Variants in DPYD observed in about 807,000 individuals in gnomAD.
The protein encoded by DPYD is dihydropyrimidine dehydrogenase.
In DPYD, 109 loss-of-function variants were observed where a neutral mutation model predicts 116.2. The ratio of observed to expected loss-of-function variants is 0.94; its 90% CI spans 0.80 to 1.10. DPYD has a LOEUF of 1.10. Among genes scored for constraint, DPYD ranks in the 50% least tolerant of loss-of-function variants. DPYD has a pLI of 0.00. For missense variants in DPYD, 1,302 were observed against 1,254.5 expected (o/e 1.04, Z -0.57); for synonymous variants, 440 against 432.0 (o/e 1.02, Z -0.23).
At chr1:97,394,964 A>C (rs1395484032) in intron 14 of DPYD, among the ~76,000 whole-genome samples, 1 of 151,988 alleles carries the variant, frequency 6.6e-6, no homozygotes, top group African/African-American at 2.4e-5. Flanking sequence ...TAAGGGACAA[A>C]ACAATGGTTT....
At chr1:97,767,361 C>T (rs1665920019) in intron 3 of DPYD, among the ~76,000 whole-genome samples, 1 of 152,116 alleles carries the variant, frequency 6.6e-6, no homozygotes, top group Non-Finnish European at 1.5e-5. Flanking sequence ...CTTTGCAGCT[C>T]TTCTTATCAA....
At chr1:97,645,695 A>G (rs1017827860) in intron 8 of DPYD, among the ~76,000 whole-genome samples, 3 of 152,006 alleles carry the variant, frequency 2.0e-5, no homozygotes, top group African/African-American at 7.2e-5. Flanking sequence ...GTTCTTATAA[A>G]TATGGTCTTT....
intron 19 of DPYD, among the ~76,000 whole-genome samples, chr1:97,195,173 T>G (rs1207027360): frequency 6.6e-6 from 1 of 152,118 alleles, no homozygotes; most frequent in Non-Finnish European, 1.5e-5. Flanking sequence ...ATATTTCAAC[T>G]TCAAACAATG....
chr1:97,746,457 A>T (rs1462903413), intron 3 of DPYD, among the ~76,000 whole-genome samples: 2 of 152,116 alleles, frequency 1.3e-5, no homozygotes, highest in African/African-American at 2.4e-5. Flanking sequence ...CTTAGTACAT[A>T]TCACCTTTTA....
intron 14 of DPYD, among the ~76,000 whole-genome samples, chr1:97,423,206 A>G (rs1004370816): frequency 2.6e-5 from 4 of 152,160 alleles, no homozygotes; most frequent in African/African-American, 7.2e-5. Flanking sequence ...AAAATGCTCC[A>G]GCTCTCCTAT....
chr1:97,360,860 C>T (rs140918097), intron 16 of DPYD, among the ~76,000 whole-genome samples: 5,531 of 152,074 alleles, frequency 0.036, 148 homozygotes, highest in East Asian at 0.069. Flanking sequence ...CAGGAAAGAT[C>T]CAAAACTGAC....
chr1:97,757,976 C>A (rs538372793), intron 3 of DPYD, among the ~76,000 whole-genome samples: 1 of 152,120 alleles, frequency 6.6e-6, no homozygotes, highest in Non-Finnish European at 1.5e-5. Context: ...TCTCATAATA[C>A]GCACTGCCTG....
chr1:97,158,281 A>G (rs1316849825), intron 20 of DPYD, among the ~76,000 whole-genome samples: 1 of 152,004 alleles, frequency 6.6e-6, no homozygotes, highest in Non-Finnish European at 1.5e-5. Flanking sequence ...GGGAATTTAA[A>G]AACAACAGCA....
At chr1:97,684,961 T>C (rs577707281) in intron 7 of DPYD, among the ~76,000 whole-genome samples, 3 of 152,248 alleles carry the variant, frequency 2.0e-5, no homozygotes, top group South Asian at 4.1e-4. Context: ...TTTCAAACAA[T>C]TGAAAACAAG....
intron 11 of DPYD, among the ~76,000 whole-genome samples, chr1:97,559,166 T>C (rs1651955715): frequency 6.6e-6 from 1 of 152,152 alleles, no homozygotes; most frequent in Non-Finnish European, 1.5e-5. Context: ...TGTATACTTC[T>C]CAGCAAACAA....
At chr1:97,615,252 C>A (rs1016623070) in intron 8 of DPYD, among the ~76,000 whole-genome samples, 2 of 152,074 alleles carry the variant, frequency 1.3e-5, no homozygotes, top group African/African-American at 4.8e-5. Flanking sequence ...AAATGCGATT[C>A]TTCATTTTCT....
intron 7 of DPYD, among the ~76,000 whole-genome samples, chr1:97,679,412 T>C (rs1660320633): frequency 6.6e-6 from 1 of 152,154 alleles, no homozygotes; most frequent in South Asian, 2.1e-4. Context: ...GCCAGTGTCA[T>C]TAAAACCATC....
At chr1:97,645,930 T>C (rs1211319779) in intron 8 of DPYD, among the ~76,000 whole-genome samples, 1 of 152,116 alleles carries the variant, frequency 6.6e-6, no homozygotes, top group African/African-American at 2.4e-5. Context: ...TTTATTTCTC[T>C]AAATATCTTG....
intron 8 of DPYD, among the ~76,000 whole-genome samples, chr1:97,674,907 G>A (rs1660058570): frequency 6.6e-6 from 1 of 152,282 alleles, no homozygotes; most frequent in Non-Finnish European, 1.5e-5. Context: ...GATAGGTGTT[G>A]AGTATACTAT....
At chr1:97,375,935 C>A (rs979333377) in intron 15 of DPYD, among the ~76,000 whole-genome samples, 33 of 152,150 alleles carry the variant, frequency 2.2e-4, no homozygotes, top group South Asian at 2.1e-4. Flanking sequence ...TAATTTTATA[C>A]ATATTTACAT....
chr1:97,910,847 T>C (rs1469131578), intron 1 of DPYD, among the ~76,000 whole-genome samples: 3 of 152,142 alleles, frequency 2.0e-5, no homozygotes, highest in African/African-American at 7.2e-5. Context: ...GATCTCATGA[T>C]ACATTAGCAT....
intron 3 of DPYD, 78 bp downstream of exon 3, chr1:97,828,036 T>C: frequency 7.4e-7 from 1 of 1,345,374 alleles, no homozygotes; most frequent in East Asian, 2.3e-5. Flanking sequence ...GGCAATGAAC[T>C]CATTTGTTCC....
rs536530336 is a variant in DPYD, at chr1:97,905,728, G to A, written c.39+15156C>T. Among the ~76,000 whole-genome samples the A allele has an allele frequency of 7.2e-5, 11 of 152,052 alleles. No individual in the cohort carries two copies. The East Asian group carries it at 1.9e-3, about 27-fold the overall frequency. ...CATGTGAAGGACTCCTTGAAGAACC[G>A]AATATTAAACATCTTATTGAGAAAC... is the stretch of plus-strand genomic sequence containing the variant. On this transcript the variant is annotated intron_variant, in intron 1 of 22. Transcript: ENST00000370192.
chr1:97,905,506 C>A (rs576861996), intron 1 of DPYD, among the ~76,000 whole-genome samples: 8 of 152,008 alleles, frequency 5.3e-5, no homozygotes, highest in Non-Finnish European at 1.2e-4. Flanking sequence ...GTCCGGTAAT[C>A]CAGTTTGCCT....
Sources: gnomAD v4.1 joint callset for allele counts (sites outside exome capture counted in the v4.1 genomes callset) on GRCh38, gnomAD v4.1.1 for gene constraint, MANE v1.5 for transcripts, NCBI Gene and HGNC (gene_info 2026-07-23, HGNC 2026-07-21) for gene names.